MYT1L: variants seen among roughly 807,000 people sequenced by gnomAD.
MYT1L encodes the protein myelin transcription factor 1 like.
Under a neutral mutation model 126.7 loss-of-function variants are expected in MYT1L, and 12 were observed. The observed-to-expected ratio is 0.09, with a 90% confidence interval of 0.06 to 0.15. The LOEUF (loss-of-function observed/expected upper bound fraction) is 0.15, where lower values mean the gene tolerates loss of function less well. Ranked by LOEUF, MYT1L falls within the 10% of genes least tolerant of loss-of-function variation. The pLI is 1.00. For synonymous variants in MYT1L, 541 were observed against 604.2 expected (o/e 0.90, Z 1.53); for missense variants, 979 against 1,585.2 (o/e 0.62, Z 6.49).
chr2:2,268,995 T>TG, intron 2 of MYT1L, among the ~76,000 whole-genome samples: 1 of 152,240 alleles, frequency 6.6e-6, no homozygotes, highest in Middle Eastern at 3.4e-3. Context: ...TATTATATGG[T>TG]GCACCCAAGC....
intron 2 of MYT1L, among the ~76,000 whole-genome samples, chr2:2,280,286 T>C (rs2095429323): frequency 1.3e-5 from 2 of 152,234 alleles, no homozygotes; most frequent in African/African-American, 4.8e-5. Context: ...ATACATACCC[T>C]GGTTGTATGG....
At chr2:2,255,783 T>C (rs1447421948) in intron 2 of MYT1L, among the ~76,000 whole-genome samples, 2 of 152,094 alleles carry the variant, frequency 1.3e-5, no homozygotes, top group African/African-American at 4.8e-5. Context: ...CAAAGCAAGC[T>C]CTGGAGGCCG....
At position 1,889,492 on chromosome 2, in the gene MYT1L, A is replaced by C. The variant is rs1262896157; in HGVS notation, c.2284-15T>G. ...ATGTCAGGGTTCTGTCGGTAGAAAG[A>C]CATAGTGACTGTGCTTGGCCCGGCA... On this transcript the variant is annotated splice_polypyrimidine_tract_variant and intron_variant, in intron 15 of 24. Transcript: ENST00000647738. The surrounding 1 kb of genome is among the most constrained non-coding windows in gnomAD (Gnocchi z 4.1). The C allele has an allele frequency of 1.3e-6, 2 of 1,572,748 alleles. No individual in the cohort carries two copies. Among genetic ancestry groups the C allele is most frequent in the South Asian group, 1.2e-5 (1 of 85,494 alleles).
intron 1 of MYT1L, among the ~76,000 whole-genome samples, chr2:2,286,917 C>T (rs1181493950): frequency 1.3e-5 from 2 of 152,182 alleles, no homozygotes; most frequent in African/African-American, 4.8e-5. Context: ...TTCTATTTCC[C>T]ATTCTGTTAT....
chr2:2,151,478 C>A (rs151136631), intron 3 of MYT1L, among the ~76,000 whole-genome samples: 1 of 151,798 alleles, frequency 6.6e-6, no homozygotes, highest in African/African-American at 2.4e-5. Flanking sequence ...CAAAGCCAAA[C>A]AGAAGATTCA....
intron 2 of MYT1L, among the ~76,000 whole-genome samples, chr2:2,264,166 C>T (rs2095062229): frequency 6.6e-6 from 1 of 152,060 alleles, no homozygotes; most frequent in Non-Finnish European, 1.5e-5. Context: ...TTAAGCCTGG[C>T]AGTTTTAGCA....
intron 4 of MYT1L, among the ~76,000 whole-genome samples, chr2:2,022,580 C>T (rs1236715439): frequency 6.6e-6 from 1 of 151,910 alleles, no homozygotes; most frequent in African/African-American, 2.4e-5. Context: ...CAGATAACAC[C>T]CTAAGTCAAA....
intron 3 of MYT1L, among the ~76,000 whole-genome samples, chr2:2,135,699 C>T (rs1166173343): frequency 6.6e-6 from 1 of 152,166 alleles, no homozygotes; most frequent in Non-Finnish European, 1.5e-5. Context: ...GTCTTGTACT[C>T]TATGGAAAAA....
intron 2 of MYT1L, among the ~76,000 whole-genome samples, chr2:2,207,048 A>G (rs983002043): frequency 6.6e-6 from 1 of 152,240 alleles, no homozygotes; most frequent in Non-Finnish European, 1.5e-5. Flanking sequence ...TGAATCAACA[A>G]TATGGTTTAC....
At position 2,252,791 on chromosome 2, in the gene MYT1L, G is replaced by A. The variant is rs529906037; in HGVS notation, c.-421+31613C>T. ...CGAAAAGCATCCCTGGGTGTGCTCA[G>A]TGGGGTGCTATATGTCTTCTAAAAT... On this transcript the variant is annotated intron_variant, in intron 2 of 24. Transcript: ENST00000647738. 1.1e-3 allele frequency among the ~76,000 whole-genome samples: 175 copies of A among 152,254 alleles called. 1 individual carries two copies. The highest frequency in any genetic ancestry group is 2.2e-3 in the Non-Finnish European group (147 of 68,024).
chr2:2,141,664 G>T (rs2083998864), intron 3 of MYT1L, among the ~76,000 whole-genome samples: 1 of 152,182 alleles, frequency 6.6e-6, no homozygotes, highest in African/African-American at 2.4e-5. Flanking sequence ...GCCAATAATA[G>T]TTTCTGGCAT....
At chr2:1,805,715 A>G (rs1039119730) in intron 22 of MYT1L, among the ~76,000 whole-genome samples, 4 of 152,120 alleles carry the variant, frequency 2.6e-5, no homozygotes, top group Admixed American at 1.3e-4. Context: ...GCGAAGCCCC[A>G]TCTCTACCAA....
chr2:1,854,712 G>T (rs951315089), intron 18 of MYT1L, among the ~76,000 whole-genome samples: 6 of 152,164 alleles, frequency 3.9e-5, no homozygotes, highest in African/African-American at 1.4e-4. Context: ...CGAGTTGGGC[G>T]GGTGGGGCGT....
At chr2:2,159,293 T>C (rs181678782) in intron 3 of MYT1L, among the ~76,000 whole-genome samples, 16 of 152,086 alleles carry the variant, frequency 1.1e-4, no homozygotes, top group Non-Finnish European at 1.8e-4. Flanking sequence ...GGGTCAAGGG[T>C]CCAGTATTCA....
chr2:2,312,744 T>C (rs781082287), intron 1 of MYT1L, among the ~76,000 whole-genome samples: 1 of 152,166 alleles, frequency 6.6e-6, no homozygotes, highest in Non-Finnish European at 1.5e-5. Flanking sequence ...AAAGTCGGCA[T>C]TAGGCTAACC....
intron 18 of MYT1L, among the ~76,000 whole-genome samples, chr2:1,879,412 C>T (rs1018402029): frequency 2.1e-4 from 32 of 152,122 alleles, no homozygotes; most frequent in African/African-American, 7.7e-4. Context: ...CTTCTTGCTG[C>T]CCAGAGTCAG....
intron 21 of MYT1L, among the ~76,000 whole-genome samples, chr2:1,812,526 G>A (rs192318287): frequency 9.1e-4 from 138 of 152,274 alleles, no homozygotes; most frequent in African/African-American, 2.7e-3. Context: ...GCTCTGGAAG[G>A]TGCAGACTGA....
intron 2 of MYT1L, among the ~76,000 whole-genome samples, chr2:2,197,655 T>G (rs1272713153): frequency 6.6e-6 from 1 of 151,502 alleles, no homozygotes; most frequent in Non-Finnish European, 1.5e-5. Flanking sequence ...AACGAATGTG[T>G]AGAGATGTAT....
chr2:2,025,701 T>A (rs576983318), intron 4 of MYT1L, among the ~76,000 whole-genome samples: 1 of 152,344 alleles, frequency 6.6e-6, no homozygotes, highest in Non-Finnish European at 1.5e-5. Context: ...TGTGACAGTG[T>A]GACAAGGGAC....
Sources: gnomAD v4.1 joint callset for allele counts (sites outside exome capture counted in the v4.1 genomes callset) on GRCh38, gnomAD v4.1.1 for gene constraint, Gnocchi (gnomAD v3.1) non-coding constraint, MANE v1.5 for transcripts, NCBI Gene and HGNC (gene_info 2026-07-23, HGNC 2026-07-21) for gene names.